Variants in BTD observed in about 807,000 individuals in gnomAD.
BTD encodes the protein biotinidase, also known as biocytinase.
In BTD, 13 loss-of-function variants were observed where a neutral mutation model predicts 17.7. The observed-to-expected ratio is 0.74, with a 90% CI of 0.48 to 1.17. BTD has a LOEUF of 1.17. Ranked by LOEUF, BTD falls within the 50% of genes most tolerant of loss-of-function variation. The pLI, the probability that BTD is intolerant of heterozygous loss-of-function variation, is 0.00. For synonymous variants in BTD, 240 were observed against 245.2 expected, an observed-to-expected ratio of 0.98 and a Z score of 0.20; for missense variants, 674 against 650.4, an observed-to-expected ratio of 1.04 and a Z score of -0.39.
At chr3:15,627,458 G>A (rs1191117003) in intron 1 of BTD, among the ~76,000 whole-genome samples, 1 of 152,066 alleles carries the variant, frequency 6.6e-6, no homozygotes, top group Non-Finnish European at 1.5e-5. Context: ...AACCTCCTGG[G>A]CTCAAGCAAT....
Position 15,648,749 on chromosome 3 carries a change from C to G in BTD, c.*3261C>G, listed in dbSNP as rs554642140. Among the ~76,000 whole-genome samples, 1 of 152,262 alleles carries G rather than the reference C, an allele frequency of 6.6e-6. No individual in the cohort carries two copies. Among genetic ancestry groups the G allele is most frequent in the South Asian group, 2.1e-4 (1 of 4,826 alleles). The stretch of plus-strand genomic sequence containing the variant: ...TTTGGAAATAGGGTCTTTGCAGATG[C>G]AATGAAGATATAAGTTAAAATGAGA... On this transcript the variant is annotated 3_prime_UTR_variant, in exon 4 of 4. Coordinates refer to ENST00000643237, the MANE Select transcript of BTD (RefSeq NM_001370658.1).
intron 3 of BTD, among the ~76,000 whole-genome samples, chr3:15,691,165 C>T (rs2068749297): frequency 6.6e-6 from 1 of 151,542 alleles, no homozygotes; most frequent in Admixed American, 6.6e-5. Context: ...ACTCTGTCAC[C>T]AGGCTGGAGT....
At chr3:15,642,375 C>G (rs1401027306) in intron 3 of BTD, 4 of 732,188 alleles carry the variant, frequency 5.5e-6, no homozygotes, top group Non-Finnish European at 2.1e-6. Flanking sequence ...CATGCCCTTG[C>G]TTAGAGAAAC....
chr3:15,666,364 A>G (rs2065990190), intron 3 of BTD, among the ~76,000 whole-genome samples: 1 of 151,730 alleles, frequency 6.6e-6, no homozygotes, highest in Admixed American at 6.6e-5. Context: ...AGGCTTCACA[A>G]ATTACCAGCC....
chr3:15,645,542 A>C lies in BTD; in HGVS notation c.*54A>C. Reference sequence around the variant, plus strand: ...CTGGCCATCATGTTGACAGCCTTGCACTTCCACAGGCTACAAGCCCTGGGA... The same window carrying C: ...CTGGCCATCATGTTGACAGCCTTGCCCTTCCACAGGCTACAAGCCCTGGGA... On this transcript the variant is annotated 3_prime_UTR_variant, in exon 4 of 4. Transcript: ENST00000643237. 6 of 1,583,994 alleles carry C rather than the reference A, an allele frequency of 3.8e-6. No homozygotes were observed. In the South Asian group the frequency reaches 5.5e-5, roughly 15 times the overall value.
chr3:15,645,017 C>T lies in BTD; in HGVS notation c.1101C>T (p.Asn367=), dbSNP rs756863026. 7 of 1,614,174 alleles carry T rather than the reference C, an allele frequency of 4.3e-6. No homozygotes were observed. The highest frequency in any genetic ancestry group is 4.2e-6 in the Non-Finnish European group (5 of 1,180,026). ...EVHCDEATKW[N]VNAPPTFHSE... is the part of the protein sequence containing the mutation. Reference sequence around the variant, plus strand: ...ACTGTGATGAGGCCACCAAGTGGAACGTGAATGCTCCTCCCACATTTCACT... The same window carrying T: ...ACTGTGATGAGGCCACCAAGTGGAATGTGAATGCTCCTCCCACATTTCACT... The change falls in exon 4 of 4, where the codon AAC becomes AAT. Residue 367 remains asparagine (N), a synonymous_variant. Coordinates refer to ENST00000643237, the MANE Select transcript of BTD (RefSeq NM_001370658.1).
At chr3:15,602,055 T>A (rs577602597) in intron 1 of BTD, 161 bp downstream of exon 1, 1 of 1,464,004 alleles carries the variant, frequency 6.8e-7, no homozygotes, top group East Asian at 2.4e-5. Context: ...TGTGCGTTGC[T>A]GCTGTGCTAC....
At chr3:15,716,227 C>A (rs1235023835), downstream of BTD, among the ~76,000 whole-genome samples, 1 of 151,562 alleles carries the variant, frequency 6.6e-6, no homozygotes, top group Non-Finnish European at 1.5e-5. Context: ...AGTAATCCAC[C>A]CGCCTCGGCC....
chr3:15,627,841 C>A (rs1303446197), intron 1 of BTD, among the ~76,000 whole-genome samples: 1 of 152,182 alleles, frequency 6.6e-6, no homozygotes, highest in African/African-American at 2.4e-5. Context: ...CTTGCTTCAG[C>A]CTCCCAAGTA....
intron 3 of BTD, among the ~76,000 whole-genome samples, chr3:15,674,850 A>C (rs2066769680): frequency 6.6e-6 from 1 of 152,256 alleles, no homozygotes; most frequent in Non-Finnish European, 1.5e-5. Context: ...AAGCTGATCT[A>C]TCAAGTAAAA....
intron 3 of BTD, among the ~76,000 whole-genome samples, chr3:15,664,886 CA>C (rs1329328705): frequency 6.6e-6 from 1 of 151,972 alleles, no homozygotes; most frequent in Non-Finnish European, 1.5e-5. Context: ...GAAGACTGTT[CA>C]AAAAACTACC....
chr3:15,697,868 T>C (rs1038882234), intron 3 of BTD, among the ~76,000 whole-genome samples: 3 of 152,214 alleles, frequency 2.0e-5, no homozygotes, highest in Admixed American at 2.0e-4. Context: ...TCCTGGACTT[T>C]TATTTGTTTG....
rs925439378 is a variant in BTD, at chr3:15,644,442, A to G, written c.526A>G (p.Thr176Ala). 6.2e-7 allele frequency: 1 copy of G among 1,614,038 alleles called. No individual in the cohort carries two copies. The highest frequency in any genetic ancestry group is 8.5e-7 in the Non-Finnish European group (1 of 1,180,032). Reference protein sequence around the residue: ...CPKDGRYQFNTNVVFSNNGTL... With the variant: ...CPKDGRYQFNANVVFSNNGTL... Reference sequence around the variant, plus strand: ...AAAAGATGGGAGATACCAGTTCAACACAAATGTCGTGTTCAGCAATAATGG... The same window carrying G: ...AAAAGATGGGAGATACCAGTTCAACGCAAATGTCGTGTTCAGCAATAATGG... Residue 176 changes from threonine to alanine, a missense_variant, in exon 4 of 4, where the codon ACA becomes GCA. Coordinates refer to ENST00000643237, the MANE Select transcript of BTD (RefSeq NM_001370658.1).
At chr3:15,693,095 G>A (rs2069012326) in intron 3 of BTD, among the ~76,000 whole-genome samples, 2 of 152,240 alleles carry the variant, frequency 1.3e-5, no homozygotes, top group South Asian at 4.2e-4. Context: ...CCAGGGACTG[G>A]GGAAAGGAGA....
In BTD at chr3:15,604,140, C is replaced by T. The variant is rs1246505186; in HGVS notation, c.-17+2246C>T. Among the ~76,000 whole-genome samples the T allele has an allele frequency of 2.0e-5, 3 of 152,272 alleles. No homozygotes were observed. The East Asian group carries it at 5.8e-4, about 29-fold the overall frequency. On this transcript the variant is annotated intron_variant, in intron 1 of 3. Transcript: ENST00000643237. Reference sequence around the variant, plus strand: ...ATGGGGGCTCCCACCCCACATTTCCCTTCCACACTGCCCTAGCAGAGGTTC... The same window carrying T: ...ATGGGGGCTCCCACCCCACATTTCCTTTCCACACTGCCCTAGCAGAGGTTC...
At chr3:15,640,919 G>C (rs796709523) in intron 2 of BTD, among the ~76,000 whole-genome samples, 13 of 152,192 alleles carry the variant, frequency 8.5e-5, no homozygotes, top group African/African-American at 2.9e-4. Flanking sequence ...AAATTTAAAA[G>C]TTTGCAATGC....
At chr3:15,654,754 G>C (rs537955138), downstream of BTD, among the ~76,000 whole-genome samples, 51 of 148,992 alleles carry the variant, frequency 3.4e-4, no homozygotes, top group Middle Eastern at 3.4e-3. Context: ...TTTTTTTTTA[G>C]ATGGAATTTT....
intron 3 of BTD, among the ~76,000 whole-genome samples, chr3:15,665,831 AC>A: frequency 6.6e-6 from 1 of 152,184 alleles, no homozygotes; most frequent in South Asian, 2.1e-4. Flanking sequence ...CTTCTGTATA[AC>A]TTTTCTATTT....
In BTD at chr3:15,644,914, A is replaced by T; in HGVS notation, c.998A>T (p.Glu333Val). The change falls in exon 4 of 4, where the codon GAA becomes GTA. Residue 333 changes from glutamate to valine, a missense_variant. Glu to Val is a moderately radical substitution (Grantham distance 121, BLOSUM62 -2). Coordinates refer to ENST00000643237, the MANE Select transcript of BTD (RefSeq NM_001370658.1). Reference protein sequence around the residue: ...GLIGAENATGETDPSHSKFLK... With the variant: ...GLIGAENATGVTDPSHSKFLK... ...ATTGGTGCAGAGAATGCAACAGGTG[A>T]AACGGACCCATCCCATAGTAAGTTT... is the stretch of plus-strand genomic sequence containing the variant. 1 of 1,614,166 alleles carries T rather than the reference A, an allele frequency of 6.2e-7. No homozygotes were observed. Among genetic ancestry groups the T allele is most frequent in the Non-Finnish European group, 8.5e-7 (1 of 1,180,044 alleles).
Sources: allele counts gnomAD v4.1 joint callset (sites outside exome capture counted in the v4.1 genomes callset), GRCh38; gene constraint gnomAD v4.1.1; transcripts MANE v1.5; gene names NCBI Gene and HGNC (gene_info 2026-07-23, HGNC 2026-07-21).